LIMD1: variants seen among roughly 807,000 people sequenced by gnomAD.
LIMD1 encodes LIM domain-containing protein 1.
LIMD1 carries 23 observed loss-of-function variants against 58.4 expected under a neutral mutation model. The observed-to-expected ratio is 0.39, with a 90% CI of 0.28 to 0.56. The LOEUF (loss-of-function observed/expected upper bound fraction) is 0.56, where lower values mean the gene tolerates loss of function less well. Among genes scored for constraint, LIMD1 ranks in the 20% least tolerant of loss-of-function variants. The pLI, the probability that LIMD1 is intolerant of heterozygous loss-of-function variation, is 0.57. For missense variants in LIMD1, 838 were observed against 855.5 expected (o/e 0.98, Z 0.25); for synonymous variants, 334 against 345.5 (o/e 0.97, Z 0.37).
At chr3:45,650,245 G>C (rs1701953684) in intron 2 of LIMD1, among the ~76,000 whole-genome samples, 1 of 151,928 alleles carries the variant, frequency 6.6e-6, no homozygotes, top group Admixed American at 6.6e-5. Context: ...ATTCACTAAT[G>C]TTTTCTCTTG....
intron 6 of LIMD1, 83 bp from the exon 7 acceptor site, chr3:45,674,260 C>T (rs1315675169): frequency 2.0e-6 from 2 of 1,002,990 alleles, no homozygotes; most frequent in Non-Finnish European, 3.1e-6. Context: ...AAACCCTCTT[C>T]CCTCCCCACC....
Position 45,673,516 on chromosome 3 carries a change from C to T in LIMD1, c.1824+11C>T, listed in dbSNP as rs1575368597. 5.6e-6 allele frequency: 9 copies of T among 1,609,576 alleles called. No individual in the cohort carries two copies. Among genetic ancestry groups the T allele is most frequent in the Non-Finnish European group, 7.7e-6 (9 of 1,175,848 alleles). On this transcript the variant is annotated intron_variant, in intron 6 of 7. Coordinates refer to ENST00000273317, the MANE Select transcript of LIMD1 (RefSeq NM_014240.3). ...ATCCTTCCACCTGAGGTAAGATGCC[C>T]TTCCAGACATGCTCCCAGGGGCTTC...
Position 45,677,152 on chromosome 3 carries a change from G to C in LIMD1, c.*93G>C. On this transcript the variant is annotated 3_prime_UTR_variant, in exon 8 of 8. Transcript: ENST00000273317. ...CCCCTGGGGTGGAAGTGGGGTAGGGGAAGAGGAGGGGCAGGAGGGAGAGTT... is the reference window on the plus strand; with the variant it reads ...CCCCTGGGGTGGAAGTGGGGTAGGGCAAGAGGAGGGGCAGGAGGGAGAGTT... 1 of 1,434,466 alleles carries C rather than the reference G, an allele frequency of 7.0e-7. No individual in the cohort carries two copies. Among genetic ancestry groups the C allele is most frequent in the Non-Finnish European group, 9.6e-7 (1 of 1,042,900 alleles). 88.9% of individuals were successfully genotyped at this position (1,434,466 alleles called of 1,614,324 possible). A position where few individuals can be genotyped will look rare whatever the true frequency, so the allele number is the denominator to read the frequency against.
rs1431546480 is a variant in LIMD1 at position 45,676,775 on chromosome 3, G to A, written c.1894-147G>A. On this transcript the variant is annotated intron_variant, in intron 7 of 7. Coordinates refer to ENST00000273317, the MANE Select transcript of LIMD1 (RefSeq NM_014240.3). ...TCTCCTGTGTTGGACAGGCCTCCACGGGGCAGGAGCTGTGTTTCTGCACTG... is the reference window on the plus strand; with the variant it reads ...TCTCCTGTGTTGGACAGGCCTCCACAGGGCAGGAGCTGTGTTTCTGCACTG... The A allele has an allele frequency of 1.1e-5, 8 of 761,228 alleles. No homozygotes were observed. In the South Asian group the frequency reaches 1.3e-4, roughly 12 times the overall value. The allele number at this position is 761,228 out of a possible 1,614,324, so 47.2% of individuals were successfully genotyped here.
intron 1 of LIMD1, among the ~76,000 whole-genome samples, chr3:45,626,663 G>T (rs996685473): frequency 2.0e-5 from 3 of 152,166 alleles, no homozygotes; most frequent in Admixed American, 6.5e-5. Flanking sequence ...GTAGATACAT[G>T]CCATACACTT....
intron 1 of LIMD1, among the ~76,000 whole-genome samples, chr3:45,624,990 C>T (rs903752347): frequency 6.6e-6 from 1 of 150,758 alleles, no homozygotes; most frequent in Non-Finnish European, 1.5e-5. Context: ...TGATTTAATA[C>T]CAATTCAGGG....
At position 45,595,396 on chromosome 3, in the gene LIMD1, T is replaced by A. The variant is rs769068121; in HGVS notation, c.517T>A (p.Cys173Ser). 1 of 1,613,980 alleles carries A rather than the reference T, an allele frequency of 6.2e-7. No individual in the cohort carries two copies. The highest frequency in any genetic ancestry group is 8.5e-7 in the Non-Finnish European group (1 of 1,180,036). Residue 173 changes from cysteine to serine, a missense_variant, in exon 1 of 8, where the codon TGC becomes AGC. Physicochemically the swap from Cys to Ser is moderately radical, Grantham distance 112 (BLOSUM62 -1). This residue lies in a region of LIMD1 where 659 missense variants were observed against 639.8 expected (regional missense o/e 1.03). Transcript: ENST00000273317. Reference sequence around the variant, plus strand: ...GCCAGGCCCCTGTGAGGATCCTTCCTGCCTCACTCATGGAGACTATTATGA... The same window carrying A: ...GCCAGGCCCCTGTGAGGATCCTTCCAGCCTCACTCATGGAGACTATTATGA... ...HQPGPCEDPS[C>S]LTHGDYYDNL...
chr3:45,621,993 T>G (rs1475201420), intron 1 of LIMD1, among the ~76,000 whole-genome samples: 1 of 149,802 alleles, frequency 6.7e-6, no homozygotes, highest in Non-Finnish European at 1.5e-5. Context: ...AACCAGGGAG[T>G]TGGAGGCTGC....
rs1697505073 is a variant in LIMD1, at chr3:45,665,573, GCTTTTCA to G, written c.1511-64_1511-58del. ...GTGTTTATTTCTGCCTAAAGATTTT[GCTTTTCA>G]CTTTTCACTTTTTCCACTGCATATT... On this transcript the variant is annotated intron_variant, in intron 2 of 7. Transcript: ENST00000273317. 1.0e-5 allele frequency: 12 copies of G among 1,149,868 alleles called. No individual in the cohort carries two copies. In the East Asian group the frequency reaches 1.9e-4, roughly 18 times the overall value. The allele number at this position is 1,149,868 out of a possible 1,614,324, so 71.2% of individuals were successfully genotyped here.
At chr3:45,639,685 G>A (rs1326972924) in intron 2 of LIMD1, among the ~76,000 whole-genome samples, 2 of 152,036 alleles carry the variant, frequency 1.3e-5, no homozygotes, top group African/African-American at 4.8e-5. Context: ...TTTTTGAGAT[G>A]GAGTTTTGCT....
At chr3:45,649,459 A>T (rs984595774) in intron 2 of LIMD1, among the ~76,000 whole-genome samples, 1 of 151,724 alleles carries the variant, frequency 6.6e-6, no homozygotes, top group Non-Finnish European at 1.5e-5. Context: ...AGGCGGGCCA[A>T]TCATGAGGTC....
At chr3:45,666,038 TG>T (rs1338154195) in intron 3 of LIMD1, among the ~76,000 whole-genome samples, 1 of 152,170 alleles carries the variant, frequency 6.6e-6, no homozygotes, top group African/African-American at 2.4e-5. Flanking sequence ...CCACTCTCTC[TG>T]GGGATCTAGC....
chr3:45,599,942 G>A lies in LIMD1; in HGVS notation c.1408+3655G>A, dbSNP rs188304499. 4.5e-3 allele frequency among the ~76,000 whole-genome samples: 671 copies of A among 149,214 alleles called. 7 individuals carry two copies. Among genetic ancestry groups the A allele is most frequent in the African/African-American group, 0.016 (631 of 39,072 alleles). ...AGGAAGTCTTTCGGTCTGAAGATTG[G>A]CAGTCATTGCCTGGCCCTGTGTGGG... On this transcript the variant is annotated intron_variant, in intron 1 of 7. Transcript: ENST00000273317.
At chr3:45,656,807 C>T (rs767566680) in intron 2 of LIMD1, among the ~76,000 whole-genome samples, 5 of 152,194 alleles carry the variant, frequency 3.3e-5, no homozygotes, top group Admixed American at 6.5e-5. Context: ...TGAGCCACCA[C>T]GCCCAGCCGA....
intron 2 of LIMD1, among the ~76,000 whole-genome samples, chr3:45,642,233 T>C (rs1460083686): frequency 6.6e-6 from 1 of 151,866 alleles, no homozygotes; most frequent in Non-Finnish European, 1.5e-5. Flanking sequence ...TGGAGTGCAA[T>C]GGTGGGATCA....
chr3:45,642,263 ACTC>A (rs1182918830), intron 2 of LIMD1, among the ~76,000 whole-genome samples: 6 of 151,786 alleles, frequency 4.0e-5, no homozygotes, highest in African/African-American at 1.5e-4. Flanking sequence ...GCAGCCTTGA[ACTC>A]CTGGGCTCAG....
intron 1 of LIMD1, among the ~76,000 whole-genome samples, chr3:45,610,372 A>G (rs1701511838): frequency 6.6e-6 from 1 of 152,120 alleles, no homozygotes; most frequent in South Asian, 2.1e-4. Flanking sequence ...CCTCACCCTG[A>G]CCAGAGTTAC....
intron 1 of LIMD1, among the ~76,000 whole-genome samples, chr3:45,629,124 C>T (rs1460457588): frequency 6.6e-6 from 1 of 152,098 alleles, no homozygotes; most frequent in East Asian, 1.9e-4. Context: ...AGAAATGTCA[C>T]AACACGGGGC....
intron 1 of LIMD1, among the ~76,000 whole-genome samples, chr3:45,619,830 C>A (rs1293421276): frequency 1.1e-4 from 2 of 17,698 alleles, no homozygotes; most frequent in African/African-American, 1.5e-3. Flanking sequence ...AACCCCCCGC[C>A]CCCCCCCCCA....
Sources: allele counts gnomAD v4.1 joint callset (sites outside exome capture counted in the v4.1 genomes callset), GRCh38; gene constraint gnomAD v4.1.1; regional missense constraint gnomAD v4.1.1; transcripts MANE v1.5; gene names NCBI Gene and HGNC (gene_info 2026-07-23, HGNC 2026-07-21).